The following UBE2D3 variants were observed in gnomAD, a reference collection of about 807,000 sequenced individuals.
The protein encoded by UBE2D3 is ubiquitin-conjugating enzyme E2 D3.
In UBE2D3, 2 loss-of-function variants were observed where a neutral mutation model predicts 22.8. The ratio of observed to expected loss-of-function variants is 0.09; its 90% CI spans 0.04 to 0.28. The LOEUF (loss-of-function observed/expected upper bound fraction) is 0.28, where lower values mean the gene tolerates loss of function less well. Among genes scored for constraint, UBE2D3 ranks in the 10% least tolerant of loss-of-function variants. The pLI, the probability that UBE2D3 is intolerant of heterozygous loss-of-function variation, is 1.00. For missense variants in UBE2D3, 27 were observed against 182.5 expected (o/e 0.15, Z 4.91); for synonymous variants, 56 against 60.4 (o/e 0.93, Z 0.34).
At chr4:102,806,926 C>T (rs777049072) in intron 4 of UBE2D3, among the ~76,000 whole-genome samples, 71 of 152,046 alleles carry the variant, frequency 4.7e-4, no homozygotes, top group Non-Finnish European at 9.4e-4. Context: ...GTTGTGCTTC[C>T]GAAGTAGCTT....
intron 1 of UBE2D3, among the ~76,000 whole-genome samples, chr4:102,867,641 T>G (rs921271695): frequency 6.6e-6 from 1 of 152,034 alleles, no homozygotes; most frequent in Non-Finnish European, 1.5e-5. Context: ...CACACAAAAA[T>G]TTTTAAAATT....
At chr4:102,841,185 A>T (rs1394297893) in intron 1 of UBE2D3, among the ~76,000 whole-genome samples, 2 of 152,188 alleles carry the variant, frequency 1.3e-5, no homozygotes, top group Non-Finnish European at 2.9e-5. Context: ...ATGAGGAGGG[A>T]ATACAAATTC....
chr4:102,834,018 G>A (rs758328132), intron 1 of UBE2D3, among the ~76,000 whole-genome samples: 1 of 152,166 alleles, frequency 6.6e-6, no homozygotes, highest in African/African-American at 2.4e-5. Flanking sequence ...TTGAAAAGTT[G>A]GAGAATGGTG....
intron 1 of UBE2D3, among the ~76,000 whole-genome samples, chr4:102,863,951 C>T (rs1733023336): frequency 6.6e-6 from 1 of 152,042 alleles, no homozygotes; most frequent in African/African-American, 2.4e-5. Context: ...TACATAATTA[C>T]ATTGATCATG....
At chr4:102,798,898 A>C (rs947140069) in intron 7 of UBE2D3, 40 of 1,608,816 alleles carry the variant, frequency 2.5e-5, no homozygotes, top group Non-Finnish European at 3.1e-5. Context: ...GTACCATAAT[A>C]AGCGCACCAT....
intron 1 of UBE2D3, among the ~76,000 whole-genome samples, chr4:102,867,201 T>G (rs1260098775): frequency 6.6e-6 from 1 of 152,228 alleles, no homozygotes; most frequent in Non-Finnish European, 1.5e-5. Flanking sequence ...TGATATTCTT[T>G]TTTAGTGAAG....
upstream of UBE2D3, chr4:102,828,153 T>A: frequency 1.0e-6 from 1 of 985,092 alleles, no homozygotes; most frequent in Non-Finnish European, 1.2e-6. Context: ...CTTATGCCGG[T>A]GGTTGGTAGA....
At chr4:102,863,404 T>A (rs898102228) in intron 1 of UBE2D3, among the ~76,000 whole-genome samples, 2 of 152,042 alleles carry the variant, frequency 1.3e-5, no homozygotes, top group African/African-American at 4.8e-5. Context: ...TAAGAACTAA[T>A]TATCACAAGG....
chr4:102,802,727 T>G lies in UBE2D3; in HGVS notation c.121-89A>C, dbSNP rs1442946276. ...TTGTTTCCAAGCATTTCTCTAATAA[T>G]GAACCCAAATCACCTATTTACACTG... On this transcript the variant is annotated intron_variant, in intron 4 of 7. Coordinates refer to ENST00000453744, the MANE Select transcript of UBE2D3 (RefSeq NM_181891.3). 7.9e-6 allele frequency: 8 copies of G among 1,014,372 alleles called. No individual in the cohort carries two copies. In the African/African-American group the frequency reaches 8.1e-5, roughly 10 times the overall value. The allele number at this position is 1,014,372 out of a possible 1,614,324, so 62.8% of individuals were successfully genotyped here.
chr4:102,827,515 C>A lies in UBE2D3; in HGVS notation c.-217G>T. ...TCCCCGGCCCTACGGGGCTCACGCGCACGACACAGCCACAAGATGTCCGCT... is the reference window on the plus strand; with the variant it reads ...TCCCCGGCCCTACGGGGCTCACGCGAACGACACAGCCACAAGATGTCCGCT... On this transcript the variant is annotated 5_prime_UTR_variant, in exon 1 of 8. Coordinates refer to ENST00000453744, the MANE Select transcript of UBE2D3 (RefSeq NM_181891.3). 4.1e-6 allele frequency: 4 copies of A among 986,120 alleles called. No homozygotes were observed. Among genetic ancestry groups the A allele is most frequent in the South Asian group, 9.4e-5 (2 of 21,348 alleles). The allele number at this position is 986,120 out of a possible 1,614,324, so 61.1% of individuals were successfully genotyped here.
chr4:102,848,251 C>G (rs1732149293), intron 1 of UBE2D3, among the ~76,000 whole-genome samples: 1 of 152,088 alleles, frequency 6.6e-6, no homozygotes, highest in Non-Finnish European at 1.5e-5. Flanking sequence ...TGACTCCTTC[C>G]TGTAATCCCA....
At chr4:102,868,072 C>CTTTTTTTTTTTTTTTTTT (rs11418599) in intron 1 of UBE2D3, among the ~76,000 whole-genome samples, 7 of 115,278 alleles carry the variant, frequency 6.1e-5, no homozygotes, top group African/African-American at 2.5e-4. Flanking sequence ...GCTTTAGATT[C>CTTTTTTTTTTTTTTTTTT]TTTTTTTTTT....
In UBE2D3 at chr4:102,850,008, GT is replaced by G. The variant is rs375236342; in HGVS notation, c.-129+18706del. 4.7e-4 allele frequency among the ~76,000 whole-genome samples: 72 copies of G among 152,174 alleles called. No homozygotes were observed. In the East Asian group the frequency reaches 0.011, roughly 24 times the overall value. On this transcript the variant is annotated intron_variant, in intron 1 of 7. Transcript: ENST00000338145. ...CATACAGAAGAATGCACCATAATTG[GT>G]TAATAGCTTTAAAGTGGAAACAGCC...
At chr4:102,830,050 T>C (rs1305394089), upstream of UBE2D3, among the ~76,000 whole-genome samples, 1 of 152,266 alleles carries the variant, frequency 6.6e-6, no homozygotes, top group Non-Finnish European at 1.5e-5. Context: ...ATTGGTTGAT[T>C]GGGCTTTCTG....
At chr4:102,857,064 G>A (rs1732655534) in intron 1 of UBE2D3, among the ~76,000 whole-genome samples, 1 of 152,176 alleles carries the variant, frequency 6.6e-6, no homozygotes, top group East Asian at 1.9e-4. Context: ...AGTTAATAAT[G>A]TAGCAGTACT....
intron 1 of UBE2D3, chr4:102,843,834 C>A (rs1731897734): frequency 6.6e-6 from 1 of 152,072 alleles, no homozygotes; most frequent in Admixed American, 6.6e-5. Context: ...TAACAAAAGA[C>A]CATCAAGGTC....
At chr4:102,812,787 T>C (rs1212224357) in intron 2 of UBE2D3, 1 of 152,218 alleles carries the variant, frequency 6.6e-6, no homozygotes. Context: ...AGTGTTTTTG[T>C]CTTATTAAAA....
At chr4:102,824,743 C>G (rs187754792) in intron 2 of UBE2D3, among the ~76,000 whole-genome samples, 3 of 152,226 alleles carry the variant, frequency 2.0e-5, no homozygotes, top group African/African-American at 7.2e-5. Flanking sequence ...GGATCTGGTA[C>G]TATTCCACAT....
chr4:102,796,200 C>T lies in UBE2D3; in HGVS notation c.*1215G>A, dbSNP rs1485987792. The T allele has an allele frequency of 1.3e-5, 2 of 152,100 alleles. No individual in the cohort carries two copies. Among genetic ancestry groups the T allele is most frequent in the Non-Finnish European group, 2.9e-5 (2 of 67,812 alleles). The allele number at this position is 152,100 out of a possible 1,614,324, so 9.4% of individuals were successfully genotyped here. On this transcript the variant is annotated 3_prime_UTR_variant, in exon 8 of 8. Coordinates refer to ENST00000453744, the MANE Select transcript of UBE2D3 (RefSeq NM_181891.3). ...TTATTACTCCCATGTTGTTTTTTTT[C>T]AGCTGTCAAGTGTACAAGGTGAAGA...
Sources: allele counts gnomAD v4.1 joint callset (sites outside exome capture counted in the v4.1 genomes callset), GRCh38; gene constraint gnomAD v4.1.1; transcripts MANE v1.5; gene names NCBI Gene and HGNC (gene_info 2026-07-23, HGNC 2026-07-21).